The following DHX29 variants were observed in gnomAD, a reference collection of about 807,000 sequenced individuals.
DHX29 encodes ATP-dependent RNA helicase DHX29.
In DHX29, 79 loss-of-function variants were observed where a neutral mutation model predicts 167.9. The observed-to-expected ratio is 0.47, with a 90% confidence interval of 0.39 to 0.57. DHX29 has a LOEUF of 0.57. DHX29 is among the 20% of genes least tolerant of loss of function. DHX29 has a pLI of 0.00. For synonymous variants in DHX29, 530 were observed against 546.0 expected, an observed-to-expected ratio of 0.97 and a Z score of 0.41; for missense variants, 1,347 against 1,593.4, an observed-to-expected ratio of 0.85 and a Z score of 2.63.
intron 7 of DHX29, 48 bp downstream of exon 7, chr5:55,290,170 A>C: frequency 6.4e-7 from 1 of 1,571,992 alleles, no homozygotes; most frequent in South Asian, 1.2e-5. Context: ...AAGGCCAACA[A>C]ATAGAAGACA....
chr5:55,290,073 A>T, intron 7 of DHX29, 145 bp downstream of exon 7: 1 of 960,220 alleles, frequency 1.0e-6, no homozygotes, highest in Non-Finnish European at 1.5e-6. Context: ...AGTATTTACT[A>T]CTTATTATTT....
chr5:55,305,897 G>A (rs1350767366), intron 1 of DHX29, among the ~76,000 whole-genome samples: 3 of 152,140 alleles, frequency 2.0e-5, no homozygotes, highest in African/African-American at 7.2e-5. Context: ...GGAAATAGAT[G>A]AACACTCCTA....
At chr5:55,301,713 C>CAAAAAAAAAAAAAAAAA (rs70992777) in intron 1 of DHX29, among the ~76,000 whole-genome samples, 13 of 64,740 alleles carry the variant, frequency 2.0e-4, no homozygotes, top group Admixed American at 5.7e-4. Flanking sequence ...AACTCCATCT[C>CAAAAAAAAAAAAAAAAA]AAAAAAAAAA....
intron 1 of DHX29, among the ~76,000 whole-genome samples, chr5:55,306,294 T>C (rs185746183): frequency 6.6e-6 from 1 of 152,306 alleles, no homozygotes; most frequent in East Asian, 1.9e-4. Flanking sequence ...CCAAGCTCTT[T>C]CCTGACTCAA....
chr5:55,259,848 T>C lies in DHX29; in HGVS notation c.4057A>G (p.Asn1353Asp). ...KLENPKMSLE[N>D]DKILQIITEL... ...CTTTCACTTATAAGCAAACACTTAC[T>C]TTCAAGGGACATCTTTGGATTTTCA... Residue 1353 changes from asparagine (N) to aspartate (D), a missense_variant and splice_region_variant, in exon 26 of 27, where the codon AAT becomes GAT. This residue lies in a region of DHX29 where 882 missense variants were observed against 1,082.4 expected (regional missense o/e 0.81). Coordinates refer to ENST00000251636, the MANE Select transcript of DHX29 (RefSeq NM_019030.4). 1 of 1,551,616 alleles carries C rather than the reference T, an allele frequency of 6.4e-7. No homozygotes were observed. The highest frequency in any genetic ancestry group is 8.9e-7 in the Non-Finnish European group (1 of 1,123,534).
At chr5:55,296,102 T>A in intron 4 of DHX29, 118 bp downstream of exon 4, 1 of 1,137,170 alleles carries the variant, frequency 8.8e-7, no homozygotes. Context: ...GTAAGAACAC[T>A]TTAAAAGTAA....
intron 6 of DHX29, among the ~76,000 whole-genome samples, chr5:55,292,973 A>C (rs553673569): frequency 2.3e-4 from 35 of 151,368 alleles, no homozygotes; most frequent in African/African-American, 8.5e-4. Context: ...TGGTTTAAAA[A>C]AACTTGGATA....
chr5:55,270,800 A>C (rs1746818482), intron 18 of DHX29, 94 bp from the exon 19 acceptor site: 2 of 903,994 alleles, frequency 2.2e-6, no homozygotes, highest in Admixed American at 4.5e-5. Flanking sequence ...AGTTAAACAC[A>C]GGCTTAAAAA....
At chr5:55,262,553 T>C (rs1746358958) in intron 24 of DHX29, 77 bp downstream of exon 24, 2 of 1,525,232 alleles carry the variant, frequency 1.3e-6, no homozygotes, top group Non-Finnish European at 1.8e-6. Context: ...AAAATACCTG[T>C]TAGGGCATCC....
rs752767606 is a variant in DHX29 at position 55,307,475 on chromosome 5, G to A, written c.99C>T (p.Ala33=). Residue 33 remains alanine (A), a synonymous_variant, in exon 1 of 27, where the codon GCC becomes GCT. Coordinates refer to ENST00000251636, the MANE Select transcript of DHX29 (RefSeq NM_019030.4). ...CTGGCTTCTTGCTTTGGGCCTCCCC[G>A]GCAATTCCAGCCTCGGCAGATTTGG... ...SRAKSAEAGI[A]GEAQSKKPVS... 5.0e-6 allele frequency: 8 copies of A among 1,613,562 alleles called. No individual in the cohort carries two copies. Among genetic ancestry groups the A allele is most frequent in the South Asian group, 1.1e-5 (1 of 91,088 alleles).
chr5:55,269,603 G>C lies in DHX29; in HGVS notation c.3104C>G (p.Ser1035Cys). 1 of 1,614,008 alleles carries C rather than the reference G, an allele frequency of 6.2e-7. No individual in the cohort carries two copies. Among genetic ancestry groups the C allele is most frequent in the South Asian group, 1.1e-5 (1 of 91,068 alleles). ...GAGCTGAGGAGGATCTAAGGCTTTG[G>C]AGAGGAAATCTTCAGGAGAACCAAG... Reference protein sequence around the residue: ...CNLGSPEDFLSKALDPPQLQV... With the variant: ...CNLGSPEDFLCKALDPPQLQV... Residue 1035 changes from serine (S) to cysteine (C), a missense_variant, in exon 21 of 27, where the codon TCC becomes TGC. Ser to Cys is a moderately radical substitution (Grantham distance 112). This residue lies in a region of DHX29 where 882 missense variants were observed against 1,082.4 expected (regional missense o/e 0.81). Coordinates refer to ENST00000251636, the MANE Select transcript of DHX29 (RefSeq NM_019030.4).
At chr5:55,281,015 T>G (rs1253236271) in intron 12 of DHX29, among the ~76,000 whole-genome samples, 1 of 151,618 alleles carries the variant, frequency 6.6e-6, no homozygotes, top group Non-Finnish European at 1.5e-5. Context: ...ATGATTTTTA[T>G]ACATGTATAT....
intron 1 of DHX29, among the ~76,000 whole-genome samples, chr5:55,299,675 A>G (rs538437029): frequency 6.6e-6 from 1 of 152,006 alleles, no homozygotes; most frequent in African/African-American, 2.4e-5. Context: ...TCTGTGTCCA[A>G]ATGTCCCTCT....
chr5:55,276,117 C>T (rs561191414), intron 14 of DHX29, 149 bp downstream of exon 14: 6 of 603,370 alleles, frequency 9.9e-6, no homozygotes, highest in African/African-American at 1.9e-5. Context: ...AAAGAAATGA[C>T]CTTTAAAATT....
At chr5:55,266,477 T>G (rs1746578921) in intron 23 of DHX29, among the ~76,000 whole-genome samples, 1 of 151,570 alleles carries the variant, frequency 6.6e-6, no homozygotes, top group South Asian at 2.1e-4. Flanking sequence ...ACCTGGCTAA[T>G]TTTGTATTTT....
chr5:55,263,434 T>C (rs12516117), intron 23 of DHX29, among the ~76,000 whole-genome samples: 9,178 of 152,192 alleles, frequency 0.06, 486 homozygotes, highest in Admixed American at 0.12. Context: ...TGTTTTTCTA[T>C]GTTTAATATG....
At chr5:55,275,104 AT>A in intron 14 of DHX29, 94 bp from the exon 15 acceptor site, 1 of 1,411,006 alleles carries the variant, frequency 7.1e-7, no homozygotes, top group Non-Finnish European at 9.6e-7. Context: ...ATTCATTCAA[AT>A]CTATATTTTT....
At chr5:55,260,862 A>C (rs1561132836) in intron 25 of DHX29, among the ~76,000 whole-genome samples, 1 of 152,260 alleles carries the variant, frequency 6.6e-6, no homozygotes. Flanking sequence ...GAAGAATTCA[A>C]CAGTATGAAT....
rs1185418066 is a variant in DHX29, at chr5:55,283,311, T to C, written c.1857A>G (p.Glu619=). 1.2e-6 allele frequency: 2 copies of C among 1,614,064 alleles called. No individual in the cohort carries two copies. Among genetic ancestry groups the C allele is most frequent in the Admixed American group, 1.7e-5 (1 of 60,004 alleles). The change falls in exon 11 of 27, where the codon GAA becomes GAG. Residue 619 remains glutamate (E), a synonymous_variant. Coordinates refer to ENST00000251636, the MANE Select transcript of DHX29 (RefSeq NM_019030.4). ...TACAGACAATGTTACATTTACTTGC[T>C]TCCCACTCATTTAGAAGCAAATCTT... is the stretch of plus-strand genomic sequence containing the variant. The part of the protein sequence containing the change: ...LLEDLLLNEW[E]ASKCNIVCTQ...
Sources: gnomAD v4.1 joint callset for allele counts (sites outside exome capture counted in the v4.1 genomes callset) on GRCh38, gnomAD v4.1.1 for gene constraint, gnomAD v4.1.1 regional missense constraint, MANE v1.5 for transcripts, NCBI Gene and HGNC (gene_info 2026-07-23, HGNC 2026-07-21) for gene names.